Variants in MEGF10 observed in about 807,000 individuals in gnomAD.
MEGF10 encodes multiple epidermal growth factor-like domains protein 10.
A neutral mutation model predicts 147.5 loss-of-function variants in MEGF10; 86 were observed. The ratio of observed to expected loss-of-function variants is 0.58; its 90% CI spans 0.49 to 0.70. The LOEUF (loss-of-function observed/expected upper bound fraction) is 0.70, where lower values mean the gene tolerates loss of function less well. MEGF10 is among the 30% of genes least tolerant of loss of function. The pLI is 0.00. For missense variants in MEGF10, 1,329 were observed against 1,487.3 expected (o/e 0.89, Z 1.75); for synonymous variants, 478 against 525.5 (o/e 0.91, Z 1.24).
intron 5 of MEGF10, among the ~76,000 whole-genome samples, chr5:127,385,623 A>G (rs1346435702): frequency 1.3e-5 from 2 of 152,182 alleles, no homozygotes; most frequent in African/African-American, 4.8e-5. Flanking sequence ...GCAAACAGTA[A>G]CACCAGTGGG....
chr5:127,376,047 A>T (rs1404769118), intron 5 of MEGF10, among the ~76,000 whole-genome samples: 1 of 152,132 alleles, frequency 6.6e-6, no homozygotes. Context: ...ATTGAGGGAA[A>T]CTGGATGGAG....
chr5:127,411,664 A>G (rs1387684598), intron 9 of MEGF10, among the ~76,000 whole-genome samples: 1 of 152,196 alleles, frequency 6.6e-6, no homozygotes, highest in Non-Finnish European at 1.5e-5. Flanking sequence ...CATATTAGTC[A>G]ACTTTGGTTT....
rs932321549 is a variant in MEGF10 at position 127,396,590 on chromosome 5, G to T, written c.471G>T (p.Gly157=). The change falls in exon 6 of 25, where the codon GGG becomes GGT. Residue 157 remains glycine, a synonymous_variant. Coordinates refer to ENST00000503335, the MANE Select transcript of MEGF10 (RefSeq NM_001256545.2). ...HCTSRCQCKN[G]ALCNPITGAC... The stretch of plus-strand genomic sequence containing the variant: ...CCAGCCGGTGCCAGTGCAAAAATGG[G>T]GCTCTGTGCAACCCCATCACCGGGG... 2 of 1,603,742 alleles carry T rather than the reference G, an allele frequency of 1.2e-6. No individual in the cohort carries two copies. The highest frequency in any genetic ancestry group is 1.7e-6 in the Non-Finnish European group (2 of 1,173,016).
At chr5:127,449,358 A>T in intron 22 of MEGF10, 136 bp downstream of exon 22, 1 of 1,161,282 alleles carries the variant, frequency 8.6e-7, no homozygotes, top group Non-Finnish European at 1.2e-6. Context: ...TATGCCTAAC[A>T]CCTGTACAGG....
intron 1 of MEGF10, among the ~76,000 whole-genome samples, chr5:127,324,468 C>T (rs1164037055): frequency 6.6e-6 from 1 of 152,138 alleles, no homozygotes; most frequent in Admixed American, 6.6e-5. Context: ...AAACAGCTCT[C>T]CTTGATCTCT....
At chr5:127,442,778 G>T (rs760968380) in intron 18 of MEGF10, among the ~76,000 whole-genome samples, 1 of 152,176 alleles carries the variant, frequency 6.6e-6, no homozygotes, top group Non-Finnish European at 1.5e-5. Context: ...GAGCTCTAAT[G>T]TTGAGCAGCC....
intron 1 of MEGF10, among the ~76,000 whole-genome samples, chr5:127,303,740 A>T (rs2585195): frequency 0.54 from 81,725 of 151,984 alleles, 22,665 homozygotes; most frequent in Middle Eastern, 0.63. Flanking sequence ...TGGATGTATT[A>T]GAATGTAGTG....
chr5:127,425,392 T>C (rs112666202), intron 13 of MEGF10, among the ~76,000 whole-genome samples: 5 of 152,212 alleles, frequency 3.3e-5, no homozygotes, highest in Non-Finnish European at 5.9e-5. Context: ...CTCTGCCTCA[T>C]GGTCTGTCAG....
chr5:127,262,590 T>C, the MEGF10 span, among the ~76,000 whole-genome samples: 2 of 152,270 alleles, frequency 1.3e-5, no homozygotes, highest in East Asian at 3.9e-4. Flanking sequence ...CCTCCTTTTG[T>C]TCAAAGATCC....
chr5:127,422,760 C>T lies in MEGF10; in HGVS notation c.1681C>T (p.Pro561Ser). Reference protein sequence around the residue: ...HPTTGHCRCLPGWSGVHCDSV... With the variant: ...HPTTGHCRCLSGWSGVHCDSV... Reference sequence around the variant, plus strand: ...TACCACGGGCCATTGCCGCTGCCTCCCCGGATGGTCAGGTGAGAGCCAAGG... The same window carrying T: ...TACCACGGGCCATTGCCGCTGCCTCTCCGGATGGTCAGGTGAGAGCCAAGG... The change falls in exon 13 of 25, where the codon CCC becomes TCC. Residue 561 changes from proline (P) to serine (S), a missense_variant. This residue lies in a region of MEGF10 where 980 missense variants were observed against 1,085.9 expected (regional missense o/e 0.90). Coordinates refer to ENST00000503335, the MANE Select transcript of MEGF10 (RefSeq NM_001256545.2). 6.2e-7 allele frequency: 1 copy of T among 1,613,880 alleles called. No homozygotes were observed. Among genetic ancestry groups the T allele is most frequent in the Non-Finnish European group, 8.5e-7 (1 of 1,179,848 alleles).
the MEGF10 span, among the ~76,000 whole-genome samples, chr5:127,246,999 T>TATATATATATATAC: frequency 2.4e-5 from 3 of 126,622 alleles, no homozygotes; most frequent in African/African-American, 9.2e-5. Flanking sequence ...TATATATATA[T>TATATATATATATAC]ATATATATAG....
intron 3 of MEGF10, among the ~76,000 whole-genome samples, 192 bp from the exon 4 acceptor site, chr5:127,340,338 A>C (rs534311429): frequency 2.2e-4 from 33 of 152,330 alleles, no homozygotes; most frequent in African/African-American, 7.7e-4. Context: ...GAGGGAAATC[A>C]TGAAACTACT....
chr5:127,425,611 A>G (rs1391865471), intron 13 of MEGF10, among the ~76,000 whole-genome samples: 1 of 152,162 alleles, frequency 6.6e-6, no homozygotes, highest in East Asian at 1.9e-4. Context: ...TGGACCAAGA[A>G]TTGGCTTATT....
chr5:127,386,822 G>C (rs984375040), intron 5 of MEGF10, among the ~76,000 whole-genome samples: 1 of 152,192 alleles, frequency 6.6e-6, no homozygotes, highest in Non-Finnish European at 1.5e-5. Flanking sequence ...TCTTTTTGCT[G>C]GGCTGGGACA....
At chr5:127,352,182 A>T (rs1762110058) in intron 4 of MEGF10, among the ~76,000 whole-genome samples, 1 of 152,120 alleles carries the variant, frequency 6.6e-6, no homozygotes, top group African/African-American at 2.4e-5. Flanking sequence ...TTTGAGACAC[A>T]TTGCCAAATT....
Position 127,414,517 on chromosome 5 carries a change from T to C in MEGF10, c.1131-3121T>C, listed in dbSNP as rs910395340. On this transcript the variant is annotated intron_variant, in intron 9 of 24. Transcript: ENST00000503335. Reference sequence around the variant, plus strand: ...GACATTCATGAGTTGTTCTCTGTGATTAATGGCTATTTCCTTTAAGCCAAG... The same window carrying C: ...GACATTCATGAGTTGTTCTCTGTGACTAATGGCTATTTCCTTTAAGCCAAG... Among the ~76,000 whole-genome samples, 9 of 152,194 alleles carry C rather than the reference T, an allele frequency of 5.9e-5. No individual in the cohort carries two copies. The South Asian group carries it at 1.5e-3, about 25-fold the overall frequency.
intron 1 of MEGF10, among the ~76,000 whole-genome samples, chr5:127,319,057 CTCCCTTCCTCCA>C (rs1256702448): frequency 2.0e-5 from 3 of 148,134 alleles, no homozygotes; most frequent in Non-Finnish European, 3.0e-5. Flanking sequence ...TCCTCCCTCC[CTCCCTTCCTCCA>C]TCCCTTCCTT....
At chr5:127,370,740 C>A (rs1162706453) in intron 5 of MEGF10, among the ~76,000 whole-genome samples, 1 of 152,172 alleles carries the variant, frequency 6.6e-6, no homozygotes, top group African/African-American at 2.4e-5. Flanking sequence ...ACAGTTTAAA[C>A]CAAAATCTTC....
At chr5:127,447,885 G>T (rs1188148315) in intron 21 of MEGF10, among the ~76,000 whole-genome samples, 1 of 152,210 alleles carries the variant, frequency 6.6e-6, no homozygotes, top group African/African-American at 2.4e-5. Context: ...GGGAGTTTAA[G>T]TTACTTCCAG....
Sources: gnomAD v4.1 joint callset for allele counts (sites outside exome capture counted in the v4.1 genomes callset) on GRCh38, gnomAD v4.1.1 for gene constraint, gnomAD v4.1.1 regional missense constraint, MANE v1.5 for transcripts, NCBI Gene and HGNC (gene_info 2026-07-23, HGNC 2026-07-21) for gene names.